Variants in FAT3 observed in about 807,000 individuals in gnomAD.
FAT3 encodes the protein FAT atypical cadherin 3, also known as protocadherin Fat 3.
FAT3 carries 95 observed loss-of-function variants against 310.2 expected under a neutral mutation model. The observed-to-expected ratio is 0.31, with a 90% CI of 0.26 to 0.36. The LOEUF (loss-of-function observed/expected upper bound fraction) is 0.36. Ranked by LOEUF, FAT3 falls within the 10% of genes least tolerant of loss-of-function variation. The pLI is 1.00. For synonymous variants in FAT3, 2,314 were observed against 2,192.9 expected (o/e 1.06, Z -1.54); for missense variants, 5,408 against 5,715.6 (o/e 0.95, Z 1.74).
intron 4 of FAT3, among the ~76,000 whole-genome samples, chr11:92,729,728 AG>A (rs1254015366): frequency 6.6e-6 from 1 of 152,144 alleles, no homozygotes; most frequent in African/African-American, 2.4e-5. Context: ...CCTGGCCCCC[AG>A]ACTGAAATTT....
At chr11:92,484,433 A>G (rs1325046016) in intron 2 of FAT3, among the ~76,000 whole-genome samples, 2 of 152,196 alleles carry the variant, frequency 1.3e-5, no homozygotes, top group Non-Finnish European at 2.9e-5. Flanking sequence ...GTCATTGATA[A>G]GAGTGCCCAT....
At chr11:92,330,909 T>C (rs1258758254) in intron 1 of FAT3, among the ~76,000 whole-genome samples, 1 of 151,826 alleles carries the variant, frequency 6.6e-6, no homozygotes, top group Non-Finnish European at 1.5e-5. Context: ...GTTTGCAAAT[T>C]ATGGTAATGG....
At position 92,806,472 on chromosome 11, in the gene FAT3, C is replaced by G; in HGVS notation, c.9204C>G (p.Leu3068=). The change falls in exon 12 of 28, where the codon CTC becomes CTG. Residue 3068 remains leucine (L), a synonymous_variant. Coordinates refer to ENST00000525166, the MANE Select transcript of FAT3 (RefSeq NM_001367949.2). ...CCAATGGATATATACGATACTCACT[C>G]TATGGATCTGGAAACAGTGAATTTT... ...IGSNGYIRYS[L]YGSGNSEFFL... is the part of the protein sequence containing the mutation. 6.4e-7 allele frequency: 1 copy of G among 1,569,024 alleles called. No individual in the cohort carries two copies. Among genetic ancestry groups the G allele is most frequent in the Non-Finnish European group, 8.7e-7 (1 of 1,154,578 alleles).
Position 92,448,567 on chromosome 11 carries a change from C to G in FAT3, c.3293-76067C>G, listed in dbSNP as rs117452962. 1.2e-3 allele frequency among the ~76,000 whole-genome samples: 177 copies of G among 152,298 alleles called. No individual in the cohort carries two copies. In the East Asian group the frequency reaches 0.026, roughly 23 times the overall value. ...CACATTTGCAGGCAGAGAACGAAAACATTTCTGAGGTTAGAGCATGAATTA... is the reference window on the plus strand; with the variant it reads ...CACATTTGCAGGCAGAGAACGAAAAGATTTCTGAGGTTAGAGCATGAATTA... On this transcript the variant is annotated intron_variant, in intron 2 of 27. Coordinates refer to ENST00000525166, the MANE Select transcript of FAT3 (RefSeq NM_001367949.2).
intron 2 of FAT3, among the ~76,000 whole-genome samples, chr11:92,427,584 G>A (rs1274780203): frequency 6.6e-6 from 1 of 152,148 alleles, no homozygotes; most frequent in Non-Finnish European, 1.5e-5. Flanking sequence ...ATGAAGGGGT[G>A]TTGAATTTTA....
chr11:92,798,516 A>G lies in FAT3; in HGVS notation c.5503A>G (p.Thr1835Ala), dbSNP rs1279284190. ...GGACTCCAGTACAGGTGCAATCAGA[A>G]CAATTGCCAACCTGGACCATGAAAC... is the stretch of plus-strand genomic sequence containing the variant. Reference protein sequence around the residue: ...TVDSSTGAIRTIANLDHETIA... With the variant: ...TVDSSTGAIRAIANLDHETIA... The change falls in exon 10 of 28, where the codon ACA (threonine) becomes GCA (alanine). Residue 1835 changes from threonine (T) to alanine (A), a missense_variant. Around this residue, in one of 5 missense-constraint regions of FAT3, gnomAD observed 4,588 missense variants for 4,809.8 expected, o/e 0.95. Transcript: ENST00000525166. The G allele has an allele frequency of 6.2e-7, 1 of 1,613,750 alleles. No individual in the cohort carries two copies. The highest frequency in any genetic ancestry group is 1.3e-5 in the African/African-American group (1 of 74,918).
At chr11:92,631,863 C>T (rs112667651) in intron 3 of FAT3, among the ~76,000 whole-genome samples, 3,283 of 152,152 alleles carry the variant, frequency 0.022, 34 homozygotes, top group Middle Eastern at 0.037. Context: ...AAATGGAGAG[C>T]TTCTGTGTTC....
Position 92,896,219 on chromosome 11 carries a change from CACTT to C in FAT3, c.*5108_*5111del, listed in dbSNP as rs745649138. 9 of 151,620 alleles carry C rather than the reference CACTT, an allele frequency of 5.9e-5. No homozygotes were observed. The highest frequency in any genetic ancestry group is 1.2e-4 in the Non-Finnish European group (8 of 67,962). The allele number at this position is 151,620 out of a possible 1,614,324, so 9.4% of individuals were successfully genotyped here. A position where few individuals can be genotyped will look rare whatever the true frequency, so the allele number is the denominator to read the frequency against. ...AACCTTATGCAAAGGGGAAAGCTAA[CACTT>C]AGAGTGGATTTTGTCCCTTAAGGAA... is the stretch of plus-strand genomic sequence containing the variant. On this transcript the variant is annotated 3_prime_UTR_variant, in exon 28 of 28. Coordinates refer to ENST00000525166, the MANE Select transcript of FAT3 (RefSeq NM_001367949.2).
chr11:92,799,658 C>T lies in FAT3; in HGVS notation c.6645C>T (p.Gly2215=). 6.2e-7 allele frequency: 1 copy of T among 1,613,710 alleles called. No individual in the cohort carries two copies. The highest frequency in any genetic ancestry group is 8.5e-7 in the Non-Finnish European group (1 of 1,179,770). Residue 2215 remains glycine, a synonymous_variant, in exon 10 of 28, where the codon GGC becomes GGT. Coordinates refer to ENST00000525166, the MANE Select transcript of FAT3 (RefSeq NM_001367949.2). ...ILSINATSPE[G]QGIIYIIIDG... is the part of the protein sequence containing the mutation. The stretch of plus-strand genomic sequence containing the variant: ...GCATCAATGCCACCAGTCCAGAAGG[C>T]CAAGGCATCATATATATCATTATCG...
intron 2 of FAT3, among the ~76,000 whole-genome samples, chr11:92,409,065 A>G (rs1242399072): frequency 6.6e-6 from 1 of 152,198 alleles, no homozygotes; most frequent in East Asian, 1.9e-4. Context: ...TTCTGCTGCA[A>G]ATAAGTCTCA....
chr11:92,879,021 G>A (rs1949607692), intron 22 of FAT3, among the ~76,000 whole-genome samples: 1 of 151,584 alleles, frequency 6.6e-6, no homozygotes, highest in South Asian at 2.1e-4. Flanking sequence ...GAAAATTGGA[G>A]GCAAAAAGAT....
intron 4 of FAT3, among the ~76,000 whole-genome samples, chr11:92,740,963 T>G (rs941760817): frequency 1.3e-5 from 2 of 152,186 alleles, no homozygotes; most frequent in African/African-American, 4.8e-5. Flanking sequence ...TCCATACATT[T>G]CCTTTACTTA....
chr11:92,363,564 T>A (rs755324964), intron 2 of FAT3, among the ~76,000 whole-genome samples: 7 of 152,228 alleles, frequency 4.6e-5, no homozygotes, highest in Non-Finnish European at 8.8e-5. Flanking sequence ...ATAAGACAGA[T>A]GTTATTTGGT....
intron 1 of FAT3, among the ~76,000 whole-genome samples, chr11:92,241,901 AT>A (rs1164938147): frequency 2.0e-5 from 3 of 152,032 alleles, no homozygotes; most frequent in Non-Finnish European, 1.5e-5. Context: ...CAGTGGAGTT[AT>A]TTTTACACAC....
intron 22 of FAT3, among the ~76,000 whole-genome samples, chr11:92,868,811 A>C (rs1028968914): frequency 6.6e-6 from 1 of 152,210 alleles, no homozygotes; most frequent in African/African-American, 2.4e-5. Flanking sequence ...ATTTCATGAA[A>C]TCCTTAAGCT....
At chr11:92,476,199 G>A (rs773146146) in intron 2 of FAT3, among the ~76,000 whole-genome samples, 2 of 152,124 alleles carry the variant, frequency 1.3e-5, no homozygotes, top group Non-Finnish European at 2.9e-5. Flanking sequence ...CGCATATCAA[G>A]AAAGCATCCT....
chr11:92,296,027 C>G (rs567044835), intron 1 of FAT3, among the ~76,000 whole-genome samples: 30 of 152,202 alleles, frequency 2.0e-4, no homozygotes, highest in Middle Eastern at 3.4e-3. Flanking sequence ...GAAGCTAAGA[C>G]TAGAGGGAGG....
chr11:92,703,515 G>A (rs149625480), intron 4 of FAT3, among the ~76,000 whole-genome samples: 18 of 152,280 alleles, frequency 1.2e-4, no homozygotes, highest in East Asian at 1.2e-3. Context: ...AGGCATCAGC[G>A]TCAGAAGGAG....
intron 2 of FAT3, among the ~76,000 whole-genome samples, chr11:92,360,721 T>C (rs1463312689): frequency 1.3e-5 from 2 of 152,236 alleles, no homozygotes; most frequent in Non-Finnish European, 1.5e-5. Flanking sequence ...TTGCCATCCT[T>C]TATTACTAAT....
Sources: gnomAD v4.1 joint callset for allele counts (sites outside exome capture counted in the v4.1 genomes callset) on GRCh38, gnomAD v4.1.1 for gene constraint, gnomAD v4.1.1 regional missense constraint, MANE v1.5 for transcripts, NCBI Gene and HGNC (gene_info 2026-07-23, HGNC 2026-07-21) for gene names.